IGF2BP2: variants seen among roughly 807,000 people sequenced by gnomAD.
IGF2BP2 encodes the protein insulin-like growth factor 2 mRNA-binding protein 2.
A neutral mutation model predicts 75.8 loss-of-function variants in IGF2BP2; 17 were observed. The ratio of observed to expected loss-of-function variants is 0.22; its 90% CI spans 0.15 to 0.34. The LOEUF (loss-of-function observed/expected upper bound fraction) is 0.34. Ranked by LOEUF, IGF2BP2 falls within the 10% of genes least tolerant of loss-of-function variation. The probability of loss-of-function intolerance (pLI) is 1.00; values close to 1 mark genes in which losing one functional copy is unlikely to be tolerated. For synonymous variants in IGF2BP2, 288 were observed against 295.6 expected (o/e 0.97, Z 0.26); for missense variants, 516 against 772.4 (o/e 0.67, Z 3.93).
Position 185,647,045 on chromosome 3 carries a change from C to T in IGF2BP2, c.1687G>A (p.Gly563Arg). 6.2e-7 allele frequency: 1 copy of T among 1,613,684 alleles called. No homozygotes were observed. Among genetic ancestry groups the T allele is most frequent in the Non-Finnish European group, 8.5e-7 (1 of 1,179,646 alleles). ...AGTACCTGGCTAGCAAAGAAGTGCC[C>T]GATAATTCTGACGATCACTTCCTCA... ...ENEEVIVRII[G>R]HFFASQTAQR... The change falls in exon 15 of 16, where the codon GGG (glycine) becomes AGG (arginine). Residue 563 changes from glycine to arginine, a missense_variant. Physicochemically the swap from Gly to Arg is moderately radical, Grantham distance 125. Around this residue, in one of 3 missense-constraint regions of IGF2BP2, gnomAD observed 129 missense variants for 230.5 expected, o/e 0.56. Transcript: ENST00000382199. The surrounding 1 kb of genome is among the most constrained non-coding windows in gnomAD (Gnocchi z 4.9).
At chr3:185,811,830 G>GTCTGTCTCTCTCTCTCTC (rs1739881258) in intron 2 of IGF2BP2, among the ~76,000 whole-genome samples, 4 of 120,694 alleles carry the variant, frequency 3.3e-5, no homozygotes, top group Non-Finnish European at 7.0e-5. Context: ...AGAGTAGGGT[G>GTCTGTCTCTCTCTCTCTC]TCTCTCTCTC....
Position 185,749,046 on chromosome 3 carries a change from C to T in IGF2BP2, c.240-50699G>A, listed in dbSNP as rs188205068. Among the ~76,000 whole-genome samples, 10 of 152,206 alleles carry T rather than the reference C, an allele frequency of 6.6e-5. 1 individual carries two copies. In the East Asian group the frequency reaches 1.9e-3, roughly 29 times the overall value. ...GGGCATGCTGGCACATGCCTGTAAT[C>T]CCAGCTACTTGGGAGGCTGAGGCAG... On this transcript the variant is annotated intron_variant, in intron 2 of 15. Transcript: ENST00000382199.
At chr3:185,653,114 C>A (rs1475677243) in intron 12 of IGF2BP2, among the ~76,000 whole-genome samples, 1 of 151,024 alleles carries the variant, frequency 6.6e-6, no homozygotes, top group African/African-American at 2.4e-5. Flanking sequence ...CAGGTGTGAG[C>A]CACTGCGCCC....
intron 2 of IGF2BP2, among the ~76,000 whole-genome samples, chr3:185,714,529 G>A (rs1370906167): frequency 6.6e-6 from 1 of 152,270 alleles, no homozygotes; most frequent in Admixed American, 6.5e-5. Flanking sequence ...ATTTCCCCAT[G>A]TATCTGAAAC....
chr3:185,784,327 C>T (rs1735595583), intron 2 of IGF2BP2, among the ~76,000 whole-genome samples: 3 of 152,156 alleles, frequency 2.0e-5, no homozygotes, highest in Admixed American at 1.3e-4. Context: ...ATCGAAACAT[C>T]CTCCATCCCC....
In IGF2BP2 at chr3:185,645,197, T is replaced by G. The variant is rs1186907666; in HGVS notation, c.*334A>C. On this transcript the variant is annotated 3_prime_UTR_variant, in exon 16 of 16. Transcript: ENST00000382199. The surrounding 1 kb of genome is among the most constrained non-coding windows in gnomAD (Gnocchi z 4.9). ...TGCATTTTGCTTGGCTTTGAACACGTTCACCTATGTTAGTTCAACTAAAAG... is the reference window on the plus strand; with the variant it reads ...TGCATTTTGCTTGGCTTTGAACACGGTCACCTATGTTAGTTCAACTAAAAG... 1 of 326,140 alleles carries G rather than the reference T, an allele frequency of 3.1e-6. No individual in the cohort carries two copies. The highest frequency in any genetic ancestry group is 2.1e-5 in the African/African-American group (1 of 48,624). 20.2% of individuals were successfully genotyped at this position (326,140 alleles called of 1,614,324 possible).
At chr3:185,799,422 C>T (rs180778671) in intron 2 of IGF2BP2, among the ~76,000 whole-genome samples, 105 of 152,010 alleles carry the variant, frequency 6.9e-4, no homozygotes, top group Non-Finnish European at 1.2e-3. Context: ...CAATGACATA[C>T]CATCTCACGC....
chr3:185,790,401 A>G (rs1462785695), intron 2 of IGF2BP2, among the ~76,000 whole-genome samples: 1 of 152,220 alleles, frequency 6.6e-6, no homozygotes, highest in African/African-American at 2.4e-5. Flanking sequence ...ACTGGGCTTC[A>G]GGATATACAT....
chr3:185,714,278 A>G (rs1052728782), intron 2 of IGF2BP2, among the ~76,000 whole-genome samples: 5 of 152,128 alleles, frequency 3.3e-5, no homozygotes, highest in African/African-American at 1.2e-4. Flanking sequence ...TGAATGTACC[A>G]TAATTAAACT....
At chr3:185,712,757 T>C (rs1412179352) in intron 2 of IGF2BP2, 1 of 152,084 alleles carries the variant, frequency 6.6e-6, no homozygotes, top group African/African-American at 2.4e-5. Flanking sequence ...TCAACAAATC[T>C]TGAATTTTGT....
intron 2 of IGF2BP2, among the ~76,000 whole-genome samples, chr3:185,804,600 A>T (rs983781809): frequency 6.6e-6 from 1 of 152,162 alleles, no homozygotes; most frequent in Admixed American, 6.5e-5. Context: ...AACAATATAA[A>T]TTTTTTAAAA....
chr3:185,802,882 G>A lies in IGF2BP2; in HGVS notation c.239+20271C>T, dbSNP rs368595975. Among the ~76,000 whole-genome samples, 4 of 152,330 alleles carry A rather than the reference G, an allele frequency of 2.6e-5. No individual in the cohort carries two copies. In the East Asian group the frequency reaches 7.7e-4, roughly 29 times the overall value. On this transcript the variant is annotated intron_variant, in intron 2 of 15. Coordinates refer to ENST00000382199, the MANE Select transcript of IGF2BP2 (RefSeq NM_006548.6). ...GCAGAAGTGCTGAGAGTAGCCTTTG[G>A]AGTGCTAATGTAGCAGGGGTAAGCC...
intron 2 of IGF2BP2, among the ~76,000 whole-genome samples, chr3:185,710,549 A>T (rs866097032): frequency 1.3e-5 from 2 of 152,182 alleles, no homozygotes; most frequent in Non-Finnish European, 2.9e-5. Context: ...CCTGGCCAAC[A>T]TGGTGAAACC....
intron 2 of IGF2BP2, among the ~76,000 whole-genome samples, chr3:185,699,965 T>G (rs1723071441): frequency 6.6e-6 from 1 of 152,182 alleles, no homozygotes; most frequent in African/African-American, 2.4e-5. Flanking sequence ...TTTGAGAACA[T>G]GCTGGATATC....
intron 2 of IGF2BP2, among the ~76,000 whole-genome samples, chr3:185,719,043 G>A (rs1726105039): frequency 6.6e-6 from 1 of 152,224 alleles, no homozygotes; most frequent in African/African-American, 2.4e-5. Flanking sequence ...ATGACCTTGG[G>A]TGGGGAGAGG....
In IGF2BP2 at chr3:185,698,300, T is replaced by A; in HGVS notation, c.287A>T (p.Glu96Val). ...CATTAAAAATTGACACTGGCTTACCTCCCACTGCAGGTGAGGAGGGATGTT... is the reference window on the plus strand; with the variant it reads ...CATTAAAAATTGACACTGGCTTACCACCCACTGCAGGTGAGGAGGGATGTT... ...IRNIPPHLQW[E>V]VLDGLLAQYG... is the part of the protein sequence containing the mutation. Residue 96 changes from glutamate to valine, a missense_variant and splice_region_variant, in exon 3 of 16, where the codon GAG (glutamate) becomes GTG (valine). Physicochemically the swap from Glu to Val is moderately radical, Grantham distance 121. This residue lies in a region of IGF2BP2 where 312 missense variants were observed against 474.5 expected (regional missense o/e 0.66). Coordinates refer to ENST00000382199, the MANE Select transcript of IGF2BP2 (RefSeq NM_006548.6). 1 of 1,613,628 alleles carries A rather than the reference T, an allele frequency of 6.2e-7. No homozygotes were observed. The highest frequency in any genetic ancestry group is 8.5e-7 in the Non-Finnish European group (1 of 1,179,620).
intron 2 of IGF2BP2, among the ~76,000 whole-genome samples, chr3:185,702,394 G>C (rs908769676): frequency 3.9e-5 from 6 of 152,036 alleles, no homozygotes; most frequent in African/African-American, 1.4e-4. Context: ...TCTCAAATGA[G>C]AGTATCGATC....
intron 12 of IGF2BP2, among the ~76,000 whole-genome samples, chr3:185,652,859 T>C (rs538351223): frequency 6.6e-6 from 1 of 152,316 alleles, no homozygotes; most frequent in East Asian, 1.9e-4. Context: ...TTGCCCAGGC[T>C]GGAGTGCAGT....
chr3:185,706,470 G>A (rs1640109750), intron 2 of IGF2BP2, among the ~76,000 whole-genome samples: 1 of 152,158 alleles, frequency 6.6e-6, no homozygotes, highest in East Asian at 1.9e-4. Context: ...ATCATTAGAT[G>A]ATGTTTAGAT....
Sources: allele counts gnomAD v4.1 joint callset (sites outside exome capture counted in the v4.1 genomes callset), GRCh38; gene constraint gnomAD v4.1.1; regional missense constraint gnomAD v4.1.1; non-coding constraint Gnocchi (gnomAD v3.1); transcripts MANE v1.5; gene names NCBI Gene and HGNC (gene_info 2026-07-23, HGNC 2026-07-21).